Variants in SUPT3H observed in about 807,000 individuals in gnomAD.
The protein encoded by SUPT3H is transcription initiation protein SPT3 homolog.
In SUPT3H, 44 loss-of-function variants were observed where a neutral mutation model predicts 44.3. The observed-to-expected ratio is 0.99, with a 90% CI of 0.78 to 1.28. SUPT3H has a LOEUF of 1.28. SUPT3H is among the 50% of genes most tolerant of loss of function. The pLI is 0.00. For synonymous variants in SUPT3H, 124 were observed against 125.6 expected (o/e 0.99, Z 0.09); for missense variants, 380 against 387.1 (o/e 0.98, Z 0.15).
intron 10 of SUPT3H, among the ~76,000 whole-genome samples, chr6:44,831,844 T>C (rs1768821553): frequency 1.3e-5 from 2 of 152,178 alleles, no homozygotes; most frequent in South Asian, 4.1e-4. Context: ...AGGTCACTTT[T>C]GAAAGATCGA....
At chr6:45,363,017 ATTT>A (rs1794535385) in intron 2 of SUPT3H, among the ~76,000 whole-genome samples, 1 of 151,652 alleles carries the variant, frequency 6.6e-6, no homozygotes, top group African/African-American at 2.4e-5. Flanking sequence ...TAGGTTTTTT[ATTT>A]TTATTTTTAA....
rs1415736284 is a variant in SUPT3H at position 45,219,996 on chromosome 6, GC to G, written c.102-113991del. On this transcript the variant is annotated intron_variant, in intron 2 of 10. Coordinates refer to ENST00000371459, the MANE Select transcript of SUPT3H (RefSeq NM_003599.4). ...AGAGGTTTCAGTGAGCCGAGACCAT[GC>G]CATTGCACTCCAGCCTGGGTGACCG... 5.8e-5 allele frequency among the ~76,000 whole-genome samples: 7 copies of G among 121,422 alleles called. No individual in the cohort carries two copies. In the Admixed American group the frequency reaches 8.2e-4, roughly 14 times the overall value. The allele number at this position is 121,422 out of a possible 152,430, so 79.7% of individuals were successfully genotyped here. A position where few individuals can be genotyped will look rare whatever the true frequency, so the allele number is the denominator to read the frequency against.
chr6:45,331,946 T>C (rs569988390), intron 2 of SUPT3H, among the ~76,000 whole-genome samples: 7 of 151,986 alleles, frequency 4.6e-5, no homozygotes, highest in Non-Finnish European at 1.0e-4. Context: ...ACTGAAATAT[T>C]TGATGGTTAA....
chr6:45,144,092 T>G (rs1199541341), intron 2 of SUPT3H, among the ~76,000 whole-genome samples: 1 of 152,064 alleles, frequency 6.6e-6, no homozygotes, highest in African/African-American at 2.4e-5. Flanking sequence ...AGCAGATGGA[T>G]TCACAGCTGA....
chr6:45,227,019 T>C (rs552410184), intron 2 of SUPT3H, among the ~76,000 whole-genome samples: 1 of 149,100 alleles, frequency 6.7e-6, no homozygotes, highest in Admixed American at 6.7e-5. Flanking sequence ...TATTTAAATA[T>C]ATACTAAATA....
intron 2 of SUPT3H, among the ~76,000 whole-genome samples, chr6:45,301,020 T>A (rs1247914294): frequency 1.3e-5 from 2 of 152,134 alleles, no homozygotes; most frequent in African/African-American, 4.8e-5. Flanking sequence ...CTTATACCCT[T>A]ATATCAACCA....
Position 44,964,481 on chromosome 6 carries a change from A to G in SUPT3H, c.505-2653T>C, listed in dbSNP as rs369445466. Among the ~76,000 whole-genome samples the G allele has an allele frequency of 4.6e-4, 70 of 152,258 alleles. 2 individuals carry two copies. In the South Asian group the frequency reaches 0.013, roughly 28 times the overall value. On this transcript the variant is annotated intron_variant, in intron 6 of 10. Transcript: ENST00000371459. Reference sequence around the variant, plus strand: ...TGCTTACATAGCTGATGTATTCGCAATAAGTGTTTCTAGAAATGAGAGGTA... The same window carrying G: ...TGCTTACATAGCTGATGTATTCGCAGTAAGTGTTTCTAGAAATGAGAGGTA...
intron 2 of SUPT3H, among the ~76,000 whole-genome samples, chr6:45,245,963 T>C (rs1398532790): frequency 6.6e-6 from 1 of 152,164 alleles, no homozygotes; most frequent in East Asian, 1.9e-4. Flanking sequence ...TAAATAGCCT[T>C]TCTAATGGGT....
chr6:45,165,646 C>G (rs1162784670), intron 2 of SUPT3H, among the ~76,000 whole-genome samples: 1 of 151,708 alleles, frequency 6.6e-6, no homozygotes, highest in Non-Finnish European at 1.5e-5. Context: ...AAATGAGAAA[C>G]AAAACATACA....
intron 10 of SUPT3H, among the ~76,000 whole-genome samples, chr6:44,854,038 G>A (rs555069716): frequency 7.3e-5 from 11 of 150,044 alleles, no homozygotes; most frequent in Non-Finnish European, 1.6e-4. Context: ...ATAAATATAC[G>A]CAGAGAGCTC....
At chr6:45,108,376 C>T (rs1799565131) in intron 2 of SUPT3H, among the ~76,000 whole-genome samples, 1 of 152,092 alleles carries the variant, frequency 6.6e-6, no homozygotes, top group South Asian at 2.1e-4. Flanking sequence ...CTATAATTGT[C>T]ATGATTAGTT....
chr6:45,315,041 G>T (rs1784484217), intron 2 of SUPT3H, among the ~76,000 whole-genome samples: 1 of 152,050 alleles, frequency 6.6e-6, no homozygotes, highest in South Asian at 2.1e-4. Context: ...GTGGGGAAAG[G>T]ACTCCCTTTT....
At chr6:44,888,374 C>T (rs901636295) in intron 10 of SUPT3H, among the ~76,000 whole-genome samples, 9 of 152,068 alleles carry the variant, frequency 5.9e-5, no homozygotes, top group African/African-American at 2.2e-4. Flanking sequence ...CAATAAAATA[C>T]TGGCAAACCG....
intron 6 of SUPT3H, among the ~76,000 whole-genome samples, chr6:44,978,116 T>C (rs1778592802): frequency 2.0e-5 from 3 of 152,320 alleles, no homozygotes; most frequent in Admixed American, 1.3e-4. Flanking sequence ...TGCAAATCCT[T>C]TGATTCTGAT....
chr6:45,184,855 G>A (rs1239614163), intron 2 of SUPT3H, among the ~76,000 whole-genome samples: 1 of 151,254 alleles, frequency 6.6e-6, no homozygotes, highest in Non-Finnish European at 1.5e-5. Flanking sequence ...TAAAAAGGGT[G>A]GGCAAACAAC....
chr6:44,896,577 T>G (rs1415596160), intron 10 of SUPT3H, among the ~76,000 whole-genome samples: 1 of 152,188 alleles, frequency 6.6e-6, no homozygotes, highest in African/African-American at 2.4e-5. Context: ...GTCTAGGCTC[T>G]AACAGTAACT....
At chr6:45,269,423 C>A (rs1486418356) in intron 2 of SUPT3H, among the ~76,000 whole-genome samples, 2 of 152,164 alleles carry the variant, frequency 1.3e-5, no homozygotes, top group African/African-American at 4.8e-5. Context: ...CCATTTTAAT[C>A]ATCAAAATTA....
At chr6:45,104,158 G>A (rs1208811324) in intron 3 of SUPT3H, among the ~76,000 whole-genome samples, 1 of 152,038 alleles carries the variant, frequency 6.6e-6, no homozygotes, top group Non-Finnish European at 1.5e-5. Flanking sequence ...GGAAATGGTA[G>A]ATATGTGGGT....
intron 10 of SUPT3H, among the ~76,000 whole-genome samples, chr6:44,863,644 A>C (rs1258157158): frequency 1.3e-5 from 2 of 152,160 alleles, no homozygotes; most frequent in African/African-American, 4.8e-5. Context: ...GCAGGTATTA[A>C]GAGATGAATT....
Sources: gnomAD v4.1 joint callset for allele counts (sites outside exome capture counted in the v4.1 genomes callset) on GRCh38, gnomAD v4.1.1 for gene constraint, MANE v1.5 for transcripts, NCBI Gene and HGNC (gene_info 2026-07-23, HGNC 2026-07-21) for gene names.